The following SFI1 variants were observed in gnomAD, a reference collection of about 807,000 sequenced individuals.
SFI1 encodes the protein SFI1 centrin binding protein.
Under a neutral mutation model 207.5 loss-of-function variants are expected in SFI1, and 195 were observed. That is an observed-to-expected ratio of 0.94 (90% CI 0.84 to 1.06). The LOEUF is 1.06. Among genes scored for constraint, SFI1 ranks in the 50% least tolerant of loss-of-function variants. The pLI, the probability that SFI1 is intolerant of heterozygous loss-of-function variation, is 0.00. For synonymous variants in SFI1, 630 were observed against 598.9 expected (o/e 1.05, Z -0.76); for missense variants, 1,634 against 1,588.0 (o/e 1.03, Z -0.49).
chr22:31,585,764 C>T (rs1290777832), intron 14 of SFI1, among the ~76,000 whole-genome samples: 1 of 152,114 alleles, frequency 6.6e-6, no homozygotes, highest in African/African-American at 2.4e-5. Context: ...TTGGGAGTAC[C>T]TGTCTGGAAT....
At chr22:31,596,291 A>G (rs1033260224) in intron 15 of SFI1, among the ~76,000 whole-genome samples, 3 of 151,326 alleles carry the variant, frequency 2.0e-5, no homozygotes, top group East Asian at 3.9e-4. Context: ...CTATCTGTCT[A>G]TCCATCTGGA....
chr22:31,603,068 TTAA>T (rs1324587745), intron 17 of SFI1, among the ~76,000 whole-genome samples: 1 of 152,120 alleles, frequency 6.6e-6, no homozygotes, highest in Non-Finnish European at 1.5e-5. Context: ...ACCCTCTCTA[TTAA>T]TAATACAAAA....
intron 4 of SFI1, 98 bp downstream of exon 4, chr22:31,531,227 T>TA: frequency 1.0e-6 from 1 of 959,620 alleles, no homozygotes; most frequent in Non-Finnish European, 1.6e-6. Context: ...CTTGTGCTGT[T>TA]ACATTCCTCC....
chr22:31,501,925 T>C (rs1235484219), intron 1 of SFI1, among the ~76,000 whole-genome samples: 1 of 152,142 alleles, frequency 6.6e-6, no homozygotes, highest in African/African-American at 2.4e-5. Flanking sequence ...ATTAGCTTCA[T>C]TGACATGTCT....
At chr22:31,566,670 G>T (rs1049022424) in intron 8 of SFI1, among the ~76,000 whole-genome samples, 4 of 152,154 alleles carry the variant, frequency 2.6e-5, no homozygotes, top group Non-Finnish European at 4.4e-5. Context: ...GATTATTGAG[G>T]CTTCAGGAGG....
chr22:31,525,552 C>A (rs1173272125), intron 2 of SFI1, among the ~76,000 whole-genome samples: 1 of 152,064 alleles, frequency 6.6e-6, no homozygotes, highest in African/African-American at 2.4e-5. Context: ...TGTGGCAAAA[C>A]CCCATCTCTA....
chr22:31,611,125 G>C lies in SFI1; in HGVS notation c.2255-18G>C, dbSNP rs777597103. On this transcript the variant is annotated intron_variant, in intron 22 of 32. Transcript: ENST00000400288. ...GAAATCCCACAAAACAGCAAACTCT[G>C]ACTTGGATCTGCCTTAGGCTGTCTG... 4.3e-6 allele frequency: 7 copies of C among 1,614,176 alleles called. No individual in the cohort carries two copies. The highest frequency in any genetic ancestry group is 5.9e-6 in the Non-Finnish European group (7 of 1,180,046).
chr22:31,567,071 A>G (rs887753717), intron 8 of SFI1, among the ~76,000 whole-genome samples: 2 of 152,006 alleles, frequency 1.3e-5, no homozygotes, highest in Non-Finnish European at 2.9e-5. Context: ...ACGCCTGGCT[A>G]ATTTTTTGTA....
chr22:31,608,141 C>T (rs1177483693), intron 22 of SFI1, 108 bp downstream of exon 22: 3 of 805,868 alleles, frequency 3.7e-6, no homozygotes, highest in East Asian at 5.4e-5. Flanking sequence ...CATGCCAGTT[C>T]CCTGTGGTTG....
intron 3 of SFI1, 111 bp from the exon 4 acceptor site, chr22:31,530,947 A>T (rs978972109): frequency 2.5e-5 from 20 of 808,244 alleles, no homozygotes; most frequent in Non-Finnish European, 3.8e-5. Context: ...TTTGATTCAT[A>T]CTAACATCCC....
chr22:31,602,453 C>T (rs940622283), intron 16 of SFI1, among the ~76,000 whole-genome samples, 154 bp from the exon 17 acceptor site: 1 of 152,146 alleles, frequency 6.6e-6, no homozygotes, highest in Non-Finnish European at 1.5e-5. Flanking sequence ...TGTCCTTTCT[C>T]AGTGGAGCCT....
At chr22:31,584,044 T>A in intron 13 of SFI1, 72 bp downstream of exon 13, 1 of 1,286,594 alleles carries the variant, frequency 7.8e-7, no homozygotes, top group Non-Finnish European at 1.1e-6. Context: ...CAGGAGTAAT[T>A]GCTTGCCCTT....
At chr22:31,617,116 GAGC>G in intron 31 of SFI1, 38 bp downstream of exon 31, 1 of 1,609,204 alleles carries the variant, frequency 6.2e-7, no homozygotes, top group South Asian at 1.1e-5. Context: ...CTGGCTACAG[GAGC>G]AGGTGTTGCC....
chr22:31,596,648 A>T (rs754181590), intron 15 of SFI1, among the ~76,000 whole-genome samples: 3 of 151,826 alleles, frequency 2.0e-5, no homozygotes, highest in Non-Finnish European at 4.4e-5. Context: ...AAAATTGGCC[A>T]GGCATGGTGG....
chr22:31,514,320 A>G (rs1260111723), intron 2 of SFI1, among the ~76,000 whole-genome samples: 1 of 151,610 alleles, frequency 6.6e-6, no homozygotes, highest in African/African-American at 2.4e-5. Context: ...CCTGGCTAAC[A>G]TGGTGAAACC....
intron 6 of SFI1, among the ~76,000 whole-genome samples, chr22:31,554,190 T>G (rs1262851711): frequency 2.6e-5 from 4 of 152,148 alleles, no homozygotes; most frequent in Non-Finnish European, 2.9e-5. Flanking sequence ...GAACTTTGCC[T>G]TAACCCAGGG....
At chr22:31,499,694 C>T (rs542094190) in intron 1 of SFI1, among the ~76,000 whole-genome samples, 5 of 152,216 alleles carry the variant, frequency 3.3e-5, no homozygotes, top group East Asian at 3.9e-4. Context: ...GAGAGTCCAT[C>T]GATGTGACAC....
At chr22:31,522,558 C>G (rs1400170644) in intron 2 of SFI1, among the ~76,000 whole-genome samples, 1 of 152,124 alleles carries the variant, frequency 6.6e-6, no homozygotes, top group East Asian at 1.9e-4. Context: ...TTTGCTTGTT[C>G]TAGGTACCTC....
intron 2 of SFI1, chr22:31,521,269 G>T: frequency 5.3e-6 from 1 of 187,780 alleles, no homozygotes. Flanking sequence ...ACCATCACCA[G>T]CAATTGTAGC....
Sources: allele counts gnomAD v4.1 joint callset (sites outside exome capture counted in the v4.1 genomes callset), GRCh38; gene constraint gnomAD v4.1.1; transcripts MANE v1.5; gene names NCBI Gene and HGNC (gene_info 2026-07-23, HGNC 2026-07-21).